The following NT5DC3 variants were observed in gnomAD, a reference collection of about 807,000 sequenced individuals.
NT5DC3 encodes the protein 5'-nucleotidase domain-containing protein 3.
In NT5DC3, 42 loss-of-function variants were observed where a neutral mutation model predicts 67.8. That is an observed-to-expected ratio of 0.62 (90% CI 0.48 to 0.80). The LOEUF (loss-of-function observed/expected upper bound fraction) is 0.80, where lower values mean the gene tolerates loss of function less well. Ranked by LOEUF, NT5DC3 falls within the 30% of genes least tolerant of loss-of-function variation. The pLI is 0.00. For missense variants in NT5DC3, 570 were observed against 696.4 expected (o/e 0.82, Z 2.04); for synonymous variants, 237 against 255.6 (o/e 0.93, Z 0.69).
intron 1 of NT5DC3, among the ~76,000 whole-genome samples, chr12:103,838,268 T>C: frequency 6.6e-6 from 1 of 152,190 alleles, no homozygotes; most frequent in Non-Finnish European, 1.5e-5. Context: ...GAGATTTTGG[T>C]GGGGACACAG....
At chr12:103,840,682 G>C (rs117202806) in intron 1 of NT5DC3, among the ~76,000 whole-genome samples, 13,868 of 152,038 alleles carry the variant, frequency 0.091, 876 homozygotes, top group Non-Finnish European at 0.13. Flanking sequence ...CAGATTTCGG[G>C]CTAAAAATCC....
At chr12:103,816,639 T>G (rs1887265625) in intron 1 of NT5DC3, among the ~76,000 whole-genome samples, 1 of 152,226 alleles carries the variant, frequency 6.6e-6, no homozygotes, top group South Asian at 2.1e-4. Context: ...CATTCTACTT[T>G]ACAATTTCCA....
intron 1 of NT5DC3, among the ~76,000 whole-genome samples, chr12:103,826,766 G>A (rs919071300): frequency 2.6e-5 from 4 of 152,148 alleles, no homozygotes; most frequent in African/African-American, 7.2e-5. Flanking sequence ...TTTTGCCAGA[G>A]GATACTGCAA....
chr12:103,815,133 GA>G lies in NT5DC3; in HGVS notation c.209-13del, dbSNP rs542701062. ...GGAAGGAACCAATTCTGGAAATAAA[GA>G]AAAAAAATACATTATACTACATAAT... On this transcript the variant is annotated splice_polypyrimidine_tract_variant and intron_variant, in intron 1 of 13. Coordinates refer to ENST00000392876, the MANE Select transcript of NT5DC3 (RefSeq NM_001031701.3). 1.1e-5 allele frequency: 17 copies of G among 1,553,758 alleles called. No homozygotes were observed. Among genetic ancestry groups the G allele is most frequent in the South Asian group, 2.4e-5 (2 of 84,194 alleles).
At chr12:103,784,223 C>G (rs1024214710) in intron 12 of NT5DC3, among the ~76,000 whole-genome samples, 2 of 152,196 alleles carry the variant, frequency 1.3e-5, no homozygotes, top group African/African-American at 4.8e-5. Flanking sequence ...AGAATTGACA[C>G]TGTATATTTT....
At chr12:103,786,681 A>ATTTTTTTTTTTTTTTTTTTTTTTTTTT (rs3036176) in intron 11 of NT5DC3, among the ~76,000 whole-genome samples, 1 of 132,366 alleles carries the variant, frequency 7.6e-6, no homozygotes. Flanking sequence ...CACTGGTTTG[A>ATTTTTTTTTTTTTTTTTTTTTTTTTTT]TTTTTTTTTT....
intron 1 of NT5DC3, among the ~76,000 whole-genome samples, chr12:103,824,471 G>A (rs1429189627): frequency 6.6e-6 from 1 of 152,118 alleles, no homozygotes; most frequent in Admixed American, 6.5e-5. Flanking sequence ...AGTTTCTTCT[G>A]GGACCTGCCC....
At chr12:103,746,640 C>A in the NT5DC3 span, 16 of 1,614,132 alleles carry the variant, frequency 9.9e-6, no homozygotes, top group African/African-American at 2.0e-4. Flanking sequence ...CTCATGCCAC[C>A]TGTAAGGAGA....
At chr12:103,749,256 C>A in the NT5DC3 span, 1 of 1,280,924 alleles carries the variant, frequency 7.8e-7, no homozygotes, top group Non-Finnish European at 1.0e-6. Context: ...CTGGACTCTT[C>A]CTAAACATTT....
chr12:103,787,446 G>T lies in NT5DC3; in HGVS notation c.1183C>A (p.Leu395Met). ...AGGAAAAAAGGGCCCCTCACCGCCAGGTCACTGTATATATGGTCACCAAAA... is the reference window on the plus strand; with the variant it reads ...AGGAAAAAAGGGCCCCTCACCGCCATGTCACTGTATATATGGTCACCAAAA... ...LYFGDHIYSD[L>M]ADLTLKHGWR... Residue 395 changes from leucine to methionine, a missense_variant, in exon 11 of 14, where the codon CTG (leucine) becomes ATG (methionine). Around this residue, in one of 2 missense-constraint regions of NT5DC3, gnomAD observed 466 missense variants for 608.0 expected, o/e 0.77. Transcript: ENST00000392876. 1 of 1,563,000 alleles carries T rather than the reference G, an allele frequency of 6.4e-7. No individual in the cohort carries two copies. Among genetic ancestry groups the T allele is most frequent in the Non-Finnish European group, 8.7e-7 (1 of 1,152,526 alleles).
intron 1 of NT5DC3, chr12:103,822,130 C>A (rs1887514561): frequency 1.3e-5 from 2 of 151,226 alleles, no homozygotes; most frequent in East Asian, 1.9e-4. Context: ...ACATTAAAAA[C>A]AAGAATATAT....
chr12:103,817,227 A>G (rs896991585), intron 1 of NT5DC3, among the ~76,000 whole-genome samples: 1 of 152,158 alleles, frequency 6.6e-6, no homozygotes, highest in African/African-American at 2.4e-5. Flanking sequence ...AGGATCAAAG[A>G]CTGAGCAATA....
intron 1 of NT5DC3, among the ~76,000 whole-genome samples, chr12:103,834,711 A>T (rs932681687): frequency 6.6e-6 from 1 of 152,220 alleles, no homozygotes; most frequent in East Asian, 1.9e-4. Flanking sequence ...AAAACTTTTT[A>T]ATTAAAATGA....
chr12:103,752,211 T>C, the NT5DC3 span, among the ~76,000 whole-genome samples: 170 of 152,284 alleles, frequency 1.1e-3, no homozygotes, highest in African/African-American at 3.5e-3. Context: ...TAGTAAATGA[T>C]GATAAAATAT....
At chr12:103,814,171 T>C (rs1248238058) in intron 2 of NT5DC3, among the ~76,000 whole-genome samples, 31 of 152,356 alleles carry the variant, frequency 2.0e-4, no homozygotes, top group Middle Eastern at 3.4e-3. Context: ...CCAGCTTGTA[T>C]TGCAGGGCTT....
At chr12:103,830,630 T>C (rs1365473388) in intron 1 of NT5DC3, among the ~76,000 whole-genome samples, 1 of 152,218 alleles carries the variant, frequency 6.6e-6, no homozygotes. Flanking sequence ...TTCTTTTTTC[T>C]TCTTTTTCTA....
At chr12:103,752,727 A>G in the NT5DC3 span, among the ~76,000 whole-genome samples, 1 of 152,212 alleles carries the variant, frequency 6.6e-6, no homozygotes, top group Non-Finnish European at 1.5e-5. Context: ...GTTACCAGAG[A>G]AATTTTATAA....
chr12:103,749,281 T>A, the NT5DC3 span: 1 of 1,120,706 alleles, frequency 8.9e-7, no homozygotes, highest in Non-Finnish European at 1.2e-6. Flanking sequence ...TAGCACAGTC[T>A]GTTTCTTGTT....
intron 1 of NT5DC3, among the ~76,000 whole-genome samples, chr12:103,840,393 C>CTCATCTCATT (rs1566137702): frequency 3.0e-5 from 4 of 134,016 alleles, no homozygotes; most frequent in Non-Finnish European, 6.1e-5. Context: ...CTCATCTCAT[C>CTCATCTCATT]TCATCTCATC....
Sources: allele counts gnomAD v4.1 joint callset (sites outside exome capture counted in the v4.1 genomes callset), GRCh38; gene constraint gnomAD v4.1.1; regional missense constraint gnomAD v4.1.1; transcripts MANE v1.5; gene names NCBI Gene and HGNC (gene_info 2026-07-23, HGNC 2026-07-21).